Variants in ATAD1 observed in about 807,000 individuals in gnomAD.
The protein encoded by ATAD1 is outer mitochondrial transmembrane helix translocase.
In ATAD1, 18 loss-of-function variants were observed where a neutral mutation model predicts 42.7. The ratio of observed to expected loss-of-function variants is 0.42; its 90% CI spans 0.29 to 0.63. The LOEUF (loss-of-function observed/expected upper bound fraction) is 0.63. Among genes scored for constraint, ATAD1 ranks in the 20% least tolerant of loss-of-function variants. ATAD1 has a pLI of 0.19. For missense variants in ATAD1, 294 were observed against 440.4 expected (o/e 0.67, Z 2.98); for synonymous variants, 132 against 143.1 (o/e 0.92, Z 0.55).
intron 8 of ATAD1, among the ~76,000 whole-genome samples, chr10:87,766,448 C>T (rs1854753464): frequency 6.6e-6 from 1 of 152,026 alleles, no homozygotes; most frequent in African/African-American, 2.4e-5. Flanking sequence ...AATAAGGAAA[C>T]TAGATGCTAA....
At chr10:87,759,999 T>C (rs1177614857) in intron 8 of ATAD1, among the ~76,000 whole-genome samples, 7 of 152,300 alleles carry the variant, frequency 4.6e-5, no homozygotes, top group East Asian at 1.9e-4. Flanking sequence ...CTTTTGAGTA[T>C]AGGCAGCAAC....
chr10:87,807,173 G>T (rs1434662506), intron 2 of ATAD1, among the ~76,000 whole-genome samples: 1 of 152,036 alleles, frequency 6.6e-6, no homozygotes, highest in African/African-American at 2.4e-5. Flanking sequence ...AACGGTAGAA[G>T]GAAAAGTGTT....
intron 8 of ATAD1, among the ~76,000 whole-genome samples, chr10:87,758,962 T>C (rs1854354500): frequency 1.3e-5 from 2 of 152,172 alleles, no homozygotes; most frequent in African/African-American, 4.8e-5. Context: ...TACATACATG[T>C]ATATAATTTA....
chr10:87,822,614 T>G (rs899988985), upstream of ATAD1, among the ~76,000 whole-genome samples: 1 of 152,090 alleles, frequency 6.6e-6, no homozygotes, highest in Non-Finnish European at 1.5e-5. Flanking sequence ...GAGGGTAGAA[T>G]GATGGTTATC....
At chr10:87,783,099 G>A (rs1242123661) in intron 5 of ATAD1, among the ~76,000 whole-genome samples, 2 of 152,152 alleles carry the variant, frequency 1.3e-5, no homozygotes, top group African/African-American at 2.4e-5. Flanking sequence ...TAGCTAATAG[G>A]CCAGGTGTGG....
chr10:87,770,533 T>G, intron 7 of ATAD1, among the ~76,000 whole-genome samples: 1 of 152,214 alleles, frequency 6.6e-6, no homozygotes, highest in South Asian at 2.1e-4. Flanking sequence ...TGACTACATC[T>G]GCCAATACTC....
At chr10:87,835,631 G>A (rs1432041986) in intron 1 of ATAD1, among the ~76,000 whole-genome samples, 1 of 151,956 alleles carries the variant, frequency 6.6e-6, no homozygotes, top group Non-Finnish European at 1.5e-5. Context: ...GGCATATTTA[G>A]GTGTTTTTCC....
At chr10:87,775,462 AC>A (rs1855258392) in intron 6 of ATAD1, among the ~76,000 whole-genome samples, 1 of 150,728 alleles carries the variant, frequency 6.6e-6, no homozygotes, top group Non-Finnish European at 1.5e-5. Flanking sequence ...TAAAGTTAAA[AC>A]AACAAAAGAA....
intron 1 of ATAD1, among the ~76,000 whole-genome samples, chr10:87,831,490 T>C (rs913032906): frequency 6.6e-6 from 1 of 151,922 alleles, no homozygotes; most frequent in Non-Finnish European, 1.5e-5. Flanking sequence ...TACTATAGAT[T>C]TCTCATCACA....
chr10:87,772,067 T>C (rs1029934064), intron 6 of ATAD1, among the ~76,000 whole-genome samples: 7 of 152,200 alleles, frequency 4.6e-5, no homozygotes, highest in Admixed American at 2.0e-4. Context: ...CTGTGAGAGT[T>C]TGCCACCTAG....
intron 2 of ATAD1, among the ~76,000 whole-genome samples, chr10:87,804,972 T>C (rs1253952677): frequency 6.6e-6 from 1 of 152,206 alleles, no homozygotes; most frequent in Non-Finnish European, 1.5e-5. Flanking sequence ...GCTTCAAGTC[T>C]AGAAATTTAC....
intron 1 of ATAD1, among the ~76,000 whole-genome samples, chr10:87,815,056 A>T (rs1857352089): frequency 6.6e-6 from 1 of 152,108 alleles, no homozygotes; most frequent in South Asian, 2.1e-4. Flanking sequence ...TTTGAGTGAA[A>T]TTCAAATTGT....
At position 87,753,325 on chromosome 10, in the gene ATAD1, T is replaced by A. The variant is rs1854089974; in HGVS notation, c.*1362A>T. On this transcript the variant is annotated 3_prime_UTR_variant, in exon 10 of 10. Transcript: ENST00000680024. ...CTGAAGAATAAACGATCTAACAGATTCTTGTGAGACACATTATCAGATAAA... is the reference window on the plus strand; with the variant it reads ...CTGAAGAATAAACGATCTAACAGATACTTGTGAGACACATTATCAGATAAA... 2 of 152,176 alleles carry A rather than the reference T, an allele frequency of 1.3e-5. No homozygotes were observed. The highest frequency in any genetic ancestry group is 4.8e-5 in the African/African-American group (2 of 41,440). The allele number at this position is 152,176 out of a possible 1,614,324, so 9.4% of individuals were successfully genotyped here.
At chr10:87,826,288 A>G (rs186658239) in intron 1 of ATAD1, among the ~76,000 whole-genome samples, 3 of 152,302 alleles carry the variant, frequency 2.0e-5, no homozygotes, top group African/African-American at 7.2e-5. Context: ...AGTATACCTG[A>G]TAGATTTCAC....
chr10:87,841,256 T>C (rs1216690976), exon 1 of ATAD1: 1 of 152,212 alleles, frequency 6.6e-6, no homozygotes, highest in Non-Finnish European at 1.5e-5. Flanking sequence ...ACAGTTAAGC[T>C]GAGACTAGCA....
upstream of ATAD1, among the ~76,000 whole-genome samples, chr10:87,821,762 T>A (rs1433808775): frequency 1.3e-5 from 2 of 152,202 alleles, no homozygotes; most frequent in East Asian, 3.8e-4. Context: ...ACAGAGTATA[T>A]GCCAGTATAT....
chr10:87,813,020 C>A (rs1031566041), intron 2 of ATAD1, among the ~76,000 whole-genome samples: 1 of 152,182 alleles, frequency 6.6e-6, no homozygotes, highest in Non-Finnish European at 1.5e-5. Context: ...TTCTCCCTAT[C>A]ATGGGCACTA....
intron 5 of ATAD1, among the ~76,000 whole-genome samples, chr10:87,780,187 C>G (rs1000833958): frequency 1.3e-4 from 20 of 151,978 alleles, no homozygotes; most frequent in African/African-American, 4.6e-4. Flanking sequence ...ATGCATATTG[C>G]TAAGGGAAAG....
chr10:87,821,632 G>A (rs1037690565), upstream of ATAD1, among the ~76,000 whole-genome samples: 1 of 152,116 alleles, frequency 6.6e-6, no homozygotes, highest in Admixed American at 6.5e-5. Flanking sequence ...AGAGACTCCC[G>A]TTCAACTACT....
Sources: gnomAD v4.1 joint callset for allele counts (sites outside exome capture counted in the v4.1 genomes callset) on GRCh38, gnomAD v4.1.1 for gene constraint, MANE v1.5 for transcripts, NCBI Gene and HGNC (gene_info 2026-07-23, HGNC 2026-07-21) for gene names.